The following SHROOM2 variants were observed in gnomAD, a reference collection of about 807,000 sequenced individuals.
SHROOM2 encodes shroom family member 2.
In SHROOM2, 33 loss-of-function variants were observed where a neutral mutation model predicts 75.9. The observed-to-expected ratio is 0.43, with a 90% CI of 0.33 to 0.58. The LOEUF is 0.58. Among genes scored for constraint, SHROOM2 ranks in the 20% least tolerant of loss-of-function variants. The pLI, the probability that SHROOM2 is intolerant of heterozygous loss-of-function variation, is 0.04. For synonymous variants in SHROOM2, 655 were observed against 663.6 expected (o/e 0.99, Z 0.20); for missense variants, 1,434 against 1,461.2 (o/e 0.98, Z 0.30).
rs968274472 is a variant in SHROOM2, at chrX:9,832,913, G to A, written c.166-40739G>A. ...ACTTTGTAATGGGTCAGAGGAAGGG[G>A]AAGGACTTATTTGTGTTGGTTTTTG... On this transcript the variant is annotated intron_variant, in intron 1 of 9. Transcript: ENST00000380913. Among the ~76,000 whole-genome samples, 3 of 111,653 alleles carry A rather than the reference G, an allele frequency of 2.7e-5. No individual in the cohort carries two copies. The South Asian group carries it at 1.1e-3, about 42-fold the overall frequency.
intron 1 of SHROOM2, among the ~76,000 whole-genome samples, chrX:9,805,516 A>G (rs2083746474): frequency 8.9e-6 from 1 of 112,366 alleles, no homozygotes; most frequent in African/African-American, 3.2e-5. Flanking sequence ...TGGGCAGATC[A>G]CTTGAGGTCA....
At position 9,932,266 on chromosome X, in the gene SHROOM2, C is replaced by G; in HGVS notation, c.2983C>G (p.Leu995Val). 1 of 1,197,392 alleles carries G rather than the reference C, an allele frequency of 8.4e-7. No individual in the cohort carries two copies. Among genetic ancestry groups the G allele is most frequent in the Non-Finnish European group, 1.1e-6 (1 of 887,225 alleles). ...KAPNPPTFSE[L>V]SHCRGAPELP... ...ACCGAACCCACCCACATTCTCTGAA[C>G]TATCTCACTGCCGGGGAGCCCCAGA... The change falls in exon 6 of 10, where the codon CTA becomes GTA. Residue 995 changes from leucine (L) to valine (V), a missense_variant. By Grantham distance (32) the Leu-to-Val change is conservative (BLOSUM62 1). Transcript: ENST00000380913.
rs372130733 is a variant in SHROOM2 at position 9,944,747 on chromosome X, A to G, written c.4418A>G (p.Glu1473Gly). 2.5e-6 allele frequency: 3 copies of G among 1,210,887 alleles called. No homozygotes were observed. Among genetic ancestry groups the G allele is most frequent in the Non-Finnish European group, 3.4e-6 (3 of 895,393 alleles). ...QANTVLGAEV[E>G]AIVKGVCKPS... is the part of the protein sequence containing the mutation. ...AACACCGTGCTGGGGGCCGAGGTGG[A>G]GGCCATCGTGAAAGGCGTCTGCAAG... is the stretch of plus-strand genomic sequence containing the variant. Residue 1473 changes from glutamate (E) to glycine (G), a missense_variant, in exon 9 of 10, where the codon GAG (glutamate) becomes GGG (glycine). By Grantham distance (98) the Glu-to-Gly change is moderately conservative (BLOSUM62 -2). Coordinates refer to ENST00000380913, the MANE Select transcript of SHROOM2 (RefSeq NM_001649.4).
At chrX:9,865,065 A>G (rs2084127496) in intron 1 of SHROOM2, 4 of 111,620 alleles carry the variant, frequency 3.6e-5, no homozygotes, top group African/African-American at 9.8e-5. Context: ...CTCAAGACAT[A>G]TTAAAGGCCT....
chrX:9,791,885 C>A (rs2083649877), intron 1 of SHROOM2, among the ~76,000 whole-genome samples: 1 of 108,319 alleles, frequency 9.2e-6, no homozygotes. Flanking sequence ...ATTCCAGCTA[C>A]TCGGGAGGCT....
At chrX:9,936,466 G>A (rs1258406935) in intron 6 of SHROOM2, among the ~76,000 whole-genome samples, 4 of 111,845 alleles carry the variant, frequency 3.6e-5, no homozygotes, top group African/African-American at 9.8e-5. Context: ...ATACAGAACC[G>A]ATGACTCGCT....
intron 1 of SHROOM2, among the ~76,000 whole-genome samples, chrX:9,836,282 A>T (rs1424404861): frequency 8.9e-6 from 1 of 112,208 alleles, no homozygotes; most frequent in Non-Finnish European, 1.9e-5. Flanking sequence ...CTCTAAAAAG[A>T]GGGGAACCCC....
intron 5 of SHROOM2, among the ~76,000 whole-genome samples, chrX:9,898,573 G>C (rs2084348217): frequency 8.9e-6 from 1 of 112,095 alleles, no homozygotes; most frequent in Non-Finnish European, 1.9e-5. Context: ...TCCGCACGGT[G>C]AGACTGCTTA....
intron 1 of SHROOM2, among the ~76,000 whole-genome samples, chrX:9,808,662 G>A (rs758436522): frequency 9.0e-6 from 1 of 110,741 alleles, no homozygotes; most frequent in Non-Finnish European, 1.9e-5. Flanking sequence ...AGGAGTTCGA[G>A]ACCAGCCTGG....
intron 1 of SHROOM2, among the ~76,000 whole-genome samples, chrX:9,837,385 A>G (rs1569146012): frequency 8.9e-6 from 1 of 112,845 alleles, no homozygotes; most frequent in Non-Finnish European, 1.9e-5. Flanking sequence ...GTCACTGTCA[A>G]TTATTGTCGT....
chrX:9,864,301 G>A (rs1040747165), intron 1 of SHROOM2, among the ~76,000 whole-genome samples: 9 of 111,184 alleles, frequency 8.1e-5, no homozygotes, highest in South Asian at 7.5e-4. Context: ...CGACTGCCAC[G>A]ACCAGAAGAC....
intron 1 of SHROOM2, among the ~76,000 whole-genome samples, chrX:9,839,939 T>C (rs1327082288): frequency 8.9e-6 from 1 of 111,835 alleles, no homozygotes; most frequent in Non-Finnish European, 1.9e-5. Flanking sequence ...TTGACTCTGC[T>C]TTCCGAGTTT....
chrX:9,919,323 G>GTTTTT (rs1192619266), intron 5 of SHROOM2, among the ~76,000 whole-genome samples: 6 of 47,344 alleles, frequency 1.3e-4, no homozygotes, highest in African/African-American at 8.1e-4. Context: ...GGAGGAGGTT[G>GTTTTT]CTTTTTTTTT....
intron 2 of SHROOM2, among the ~76,000 whole-genome samples, chrX:9,883,969 C>T (rs756483442): frequency 9.0e-6 from 1 of 111,606 alleles, no homozygotes; most frequent in East Asian, 2.8e-4. Context: ...ATCTGCAAGG[C>T]CTTTCCAACT....
chrX:9,800,344 T>C (rs2083717496), intron 1 of SHROOM2, among the ~76,000 whole-genome samples: 1 of 110,098 alleles, frequency 9.1e-6, no homozygotes, highest in Non-Finnish European at 1.9e-5. Flanking sequence ...ATTATTATTA[T>C]TATTATTATT....
At chrX:9,909,926 G>T (rs1373198038) in intron 5 of SHROOM2, among the ~76,000 whole-genome samples, 1 of 111,760 alleles carries the variant, frequency 8.9e-6, no homozygotes, top group East Asian at 2.8e-4. Context: ...CTCACAAATG[G>T]CTGTCTCTCT....
At position 9,895,091 on chromosome X, in the gene SHROOM2, G is replaced by C. The variant is rs767544374; in HGVS notation, c.1183G>C (p.Gly395Arg). 8.3e-7 allele frequency: 1 copy of C among 1,209,783 alleles called. No individual in the cohort carries two copies. The highest frequency in any genetic ancestry group is 1.1e-6 in the Non-Finnish European group (1 of 894,660). The change falls in exon 4 of 10, where the codon GGC becomes CGC. Residue 395 changes from glycine to arginine, a missense_variant. By Grantham distance (125) the Gly-to-Arg change is moderately radical. Transcript: ENST00000380913. The stretch of plus-strand genomic sequence containing the variant: ...CTGCCCACAGGAGGCCCACGCAGAC[G>C]GCAGCTGGCCGCCCTCCAAGGATGG... ...PGCPQEAHAD[G>R]SWPPSKDGAS...
chrX:9,818,258 T>C (rs1406859254), intron 1 of SHROOM2: 1 of 214,910 alleles, frequency 4.7e-6, no homozygotes, highest in South Asian at 8.6e-5. Flanking sequence ...AATATCAATG[T>C]CATCATCCTT....
intron 1 of SHROOM2, among the ~76,000 whole-genome samples, chrX:9,823,376 G>A (rs1788692378): frequency 9.1e-6 from 1 of 110,465 alleles, no homozygotes; most frequent in Non-Finnish European, 1.9e-5. Context: ...CCAAGTAGCT[G>A]GGACTAAAGG....
Sources: allele counts gnomAD v4.1 joint callset (sites outside exome capture counted in the v4.1 genomes callset), GRCh38; gene constraint gnomAD v4.1.1; transcripts MANE v1.5; gene names NCBI Gene and HGNC (gene_info 2026-07-23, HGNC 2026-07-21).